The following GPR4 variants were observed in gnomAD, a reference collection of about 807,000 sequenced individuals.
GPR4 encodes the protein G protein-coupled receptor 4, also known as G-prodeshotein coupled receptor 4.
In GPR4, 11 loss-of-function variants were observed where a neutral mutation model predicts 17.8. The observed-to-expected ratio is 0.62, with a 90% CI of 0.39 to 1.02. The LOEUF is 1.02. Ranked by LOEUF, GPR4 falls within the 50% of genes least tolerant of loss-of-function variation. GPR4 has a pLI of 0.00. For missense variants in GPR4, 364 were observed against 495.4 expected, an observed-to-expected ratio of 0.73 and a Z score of 2.52; for synonymous variants, 219 against 222.8, an observed-to-expected ratio of 0.98 and a Z score of 0.15.
chr19:45,591,824 C>G lies in GPR4; in HGVS notation c.43G>C (p.Val15Leu). Reference protein sequence around the residue: ...TWEGCHVDSRVDHLFPPSLYI... With the variant: ...TWEGCHVDSRLDHLFPPSLYI... ...AGGGATGGCGGAAAGAGGTGGTCCA[C>G]GCGCGAGTCCACGTGGCAGCCCTCC... is the stretch of plus-strand genomic sequence containing the variant. The change falls in exon 2 of 2, where the codon GTG becomes CTG. Residue 15 changes from valine to leucine, a missense_variant. Transcript: ENST00000323040. This position sits in a 1 kb window ranked among gnomAD's most constrained non-coding sequence, Gnocchi z 7.6. 1 of 1,589,218 alleles carries G rather than the reference C, an allele frequency of 6.3e-7. No individual in the cohort carries two copies. Among genetic ancestry groups the G allele is most frequent in the Non-Finnish European group, 8.6e-7 (1 of 1,164,012 alleles).
chr19:45,590,671 T>A lies in GPR4; in HGVS notation c.*107A>T. ...CTCTTCCTAAGTTCTTGTATTCTTA[T>A]GAATATTAACACAGCCCTTTTTCCA... On this transcript the variant is annotated 3_prime_UTR_variant, in exon 2 of 2. Coordinates refer to ENST00000323040, the MANE Select transcript of GPR4 (RefSeq NM_005282.3). The A allele has an allele frequency of 7.4e-7, 1 of 1,350,338 alleles. No individual in the cohort carries two copies. The highest frequency in any genetic ancestry group is 1.0e-6 in the Non-Finnish European group (1 of 992,290). The allele number at this position is 1,350,338 out of a possible 1,614,324, so 83.6% of individuals were successfully genotyped here.
Position 45,591,578 on chromosome 19 carries a change from A to G in GPR4, c.289T>C (p.Phe97Leu). The change falls in exon 2 of 2, where the codon TTC becomes CTC. Residue 97 changes from phenylalanine to leucine, a missense_variant. Phe to Leu is a conservative substitution (Grantham distance 22, BLOSUM62 0). Around this residue, in one of 3 missense-constraint regions of GPR4, gnomAD observed 271 missense variants for 373.1 expected, o/e 0.73. Coordinates refer to ENST00000323040, the MANE Select transcript of GPR4 (RefSeq NM_005282.3). The surrounding 1 kb of genome is among the most constrained non-coding windows in gnomAD (Gnocchi z 7.6). ...ATGCTGATGTAGATATTGGTGTAGAAGATGAACCCAAAGAGCTTGCAGGAC... is the reference window on the plus strand; with the variant it reads ...ATGCTGATGTAGATATTGGTGTAGAGGATGAACCCAAAGAGCTTGCAGGAC... Reference protein sequence around the residue: ...PGSCKLFGFIFYTNIYISIAF... With the variant: ...PGSCKLFGFILYTNIYISIAF... 1.2e-6 allele frequency: 2 copies of G among 1,613,916 alleles called. No homozygotes were observed. Among genetic ancestry groups the G allele is most frequent in the East Asian group, 2.2e-5 (1 of 44,828 alleles).
At position 45,601,298 on chromosome 19, in the gene GPR4, G is replaced by A. The variant is rs115618448; in HGVS notation, c.-832+797C>T. ...GAGGAGGGGTTGTCCAGTTCCAGGG[G>A]GGAGAGTGAGGCGGAAGCAGGAAAG... On this transcript the variant is annotated intron_variant, in intron 1 of 1. Coordinates refer to ENST00000323040, the MANE Select transcript of GPR4 (RefSeq NM_005282.3). Among the ~76,000 whole-genome samples, 396 of 152,330 alleles carry A rather than the reference G, an allele frequency of 2.6e-3. 6 individuals carry two copies. The highest frequency in any genetic ancestry group is 9.0e-3 in the African/African-American group (372 of 41,560).
In GPR4 at chr19:45,591,267, C is replaced by CGACAGCAGCAT; in HGVS notation, c.589_599dup (p.Tyr201CysfsTer142). The stretch of plus-strand genomic sequence containing the variant: ...GCACGGCCCGCAGGATGCCCCGGTA[C>CGACAGCAGCAT]GACAGCAGCATGAGCGCCCACGGGA... On this transcript the variant is annotated frameshift_variant, in exon 2 of 2. Transcript: ENST00000323040. LOFTEE classifies it high-confidence loss of function. The surrounding 1 kb of genome is among the most constrained non-coding windows in gnomAD (Gnocchi z 7.6). The CGACAGCAGCAT allele has an allele frequency of 3.7e-6, 6 of 1,613,130 alleles. No individual in the cohort carries two copies. Among genetic ancestry groups the CGACAGCAGCAT allele is most frequent in the Non-Finnish European group, 5.1e-6 (6 of 1,179,940 alleles).
Position 45,592,030 on chromosome 19 carries a change from G to T in GPR4, c.-164C>A, listed in dbSNP as rs1250486281. Reference sequence around the variant, plus strand: ...GAGATGAGGTTGGGTAGGCTGGGCTGGGCTGGGAAGGGCAGAGCTTGAGAG... The same window carrying T: ...GAGATGAGGTTGGGTAGGCTGGGCTTGGCTGGGAAGGGCAGAGCTTGAGAG... On this transcript the variant is annotated 5_prime_UTR_variant, in exon 2 of 2. Coordinates refer to ENST00000323040, the MANE Select transcript of GPR4 (RefSeq NM_005282.3). 4.7e-6 allele frequency: 3 copies of T among 633,712 alleles called. No individual in the cohort carries two copies. The highest frequency in any genetic ancestry group is 7.9e-6 in the Non-Finnish European group (3 of 381,380). The allele number at this position is 633,712 out of a possible 1,614,324, so 39.3% of individuals were successfully genotyped here.
rs945031275 is a variant in GPR4, at chr19:45,590,816, C to A, written c.1051G>T (p.Asp351Tyr). ...GGCAGCATCTTCAGCTGCACCTGGT[C>A]CCCCTGGGAGGGCGGAGTGGCCGCC... Reference protein sequence around the residue: ...SWAATPPSQGDQVQLKMLPPA... With the variant: ...SWAATPPSQGYQVQLKMLPPA... The change falls in exon 2 of 2, where the codon GAC becomes TAC. Residue 351 changes from aspartate (D) to tyrosine (Y), a missense_variant. By Grantham distance (160) the Asp-to-Tyr change is radical (BLOSUM62 -3). This residue lies in a region of GPR4 where 92 missense variants were observed against 106.0 expected (regional missense o/e 0.87). Transcript: ENST00000323040. 10 of 1,593,006 alleles carry A rather than the reference C, an allele frequency of 6.3e-6. No homozygotes were observed. Among genetic ancestry groups the A allele is most frequent in the Non-Finnish European group, 7.7e-6 (9 of 1,168,566 alleles).
intron 1 of GPR4, among the ~76,000 whole-genome samples, chr19:45,594,421 CAA>C (rs11284570): frequency 0.021 from 1,582 of 75,708 alleles, 19 homozygotes; most frequent in African/African-American, 0.053. Flanking sequence ...GACTCCGTCT[CAA>C]AAAAAAAAAA....
chr19:45,594,065 T>A (rs10419584), intron 1 of GPR4, among the ~76,000 whole-genome samples: 2,520 of 32,890 alleles, frequency 0.077, 47 homozygotes, highest in Non-Finnish European at 0.1. Context: ...AAAAAAAAAA[T>A]ATATATATAT....
chr19:45,601,524 C>T (rs1970112013), intron 1 of GPR4, among the ~76,000 whole-genome samples: 1 of 152,110 alleles, frequency 6.6e-6, no homozygotes, highest in Non-Finnish European at 1.5e-5. Flanking sequence ...CCCCCTACCC[C>T]ACTCCCAAGC....
rs1366750026 is a variant in GPR4, at chr19:45,591,424, G to A, written c.443C>T (p.Ala148Val). 6.2e-7 allele frequency: 1 copy of A among 1,605,988 alleles called. No individual in the cohort carries two copies. The highest frequency in any genetic ancestry group is 8.5e-7 in the Non-Finnish European group (1 of 1,178,034). ...SSVVWATELGANSAPLFHDEL... is the reference protein window; with the variant it reads ...SSVVWATELGVNSAPLFHDEL... ...GTCATGGAACAGGGGCGCCGAGTTGGCGCCCAGCTCCGTGGCCCAGACCAC... is the reference window on the plus strand; with the variant it reads ...GTCATGGAACAGGGGCGCCGAGTTGACGCCCAGCTCCGTGGCCCAGACCAC... Residue 148 changes from alanine to valine, a missense_variant, in exon 2 of 2, where the codon GCC (alanine) becomes GTC (valine). Around this residue, in one of 3 missense-constraint regions of GPR4, gnomAD observed 271 missense variants for 373.1 expected, o/e 0.73. Transcript: ENST00000323040. This position sits in a 1 kb window ranked among gnomAD's most constrained non-coding sequence, Gnocchi z 7.6.
chr19:45,594,064 ATATATAT>A (rs1257569794), intron 1 of GPR4, among the ~76,000 whole-genome samples: 50 of 28,212 alleles, frequency 1.8e-3, no homozygotes, highest in East Asian at 0.011. Flanking sequence ...AAAAAAAAAA[ATATATAT>A]ATATATATAT....
chr19:45,591,393 G>A lies in GPR4; in HGVS notation c.474C>T (p.Leu158=), dbSNP rs772660606. The A allele has an allele frequency of 6.2e-7, 1 of 1,613,610 alleles. No homozygotes were observed. Among genetic ancestry groups the A allele is most frequent in the Middle Eastern group, 1.7e-4 (1 of 6,060 alleles). The change falls in exon 2 of 2, where the codon CTC becomes CTT. Residue 158 remains leucine (L), a synonymous_variant. Transcript: ENST00000323040. This position sits in a 1 kb window ranked among gnomAD's most constrained non-coding sequence, Gnocchi z 7.6. ...ANSAPLFHDE[L]FRDRYNHTFC... ...AGGTGTGGTTGTAGCGGTCTCGGAA[G>A]AGCTCGTCATGGAACAGGGGCGCCG...
At chr19:45,601,563 G>A (rs1304878055) in intron 1 of GPR4, among the ~76,000 whole-genome samples, 1 of 152,162 alleles carries the variant, frequency 6.6e-6, no homozygotes, top group Non-Finnish European at 1.5e-5. Context: ...AAAGTTCCGG[G>A]ATGCGGAGGA....
At chr19:45,594,063 A>AAAT (rs1376607021) in intron 1 of GPR4, among the ~76,000 whole-genome samples, 59 of 36,240 alleles carry the variant, frequency 1.6e-3, no homozygotes, top group Non-Finnish European at 2.5e-3. Context: ...AAAAAAAAAA[A>AAAT]ATATATATAT....
At chr19:45,597,868 G>C (rs560684061) in intron 1 of GPR4, among the ~76,000 whole-genome samples, 2 of 152,126 alleles carry the variant, frequency 1.3e-5, no homozygotes, top group South Asian at 4.1e-4. Context: ...GCTGAGTCGT[G>C]CTCAGTAAGT....
rs903495437 is a variant in GPR4, at chr19:45,590,110, A to G, written c.*668T>C. 2 of 152,168 alleles carry G rather than the reference A, an allele frequency of 1.3e-5. No individual in the cohort carries two copies. The allele number at this position is 152,168 out of a possible 1,614,324, so 9.4% of individuals were successfully genotyped here. A position where few individuals can be genotyped will look rare whatever the true frequency, so the allele number is the denominator to read the frequency against. ...TGGCCTGTATGACCAGGGGCTTTGC[A>G]AACATAATGACTCTATATCGGCTGC... On this transcript the variant is annotated 3_prime_UTR_variant, in exon 2 of 2. Coordinates refer to ENST00000323040, the MANE Select transcript of GPR4 (RefSeq NM_005282.3).
At chr19:45,599,211 C>G (rs565563772) in intron 1 of GPR4, among the ~76,000 whole-genome samples, 19 of 152,172 alleles carry the variant, frequency 1.2e-4, no homozygotes, top group African/African-American at 2.4e-4. Context: ...AGACCTGGCC[C>G]CCCCAACTTT....
Position 45,590,816 on chromosome 19 carries a change from C to T in GPR4, c.1051G>A (p.Asp351Asn), listed in dbSNP as rs945031275. ...SWAATPPSQG[D>N]QVQLKMLPPA... is the part of the protein sequence containing the mutation. Reference sequence around the variant, plus strand: ...GGCAGCATCTTCAGCTGCACCTGGTCCCCCTGGGAGGGCGGAGTGGCCGCC... The same window carrying T: ...GGCAGCATCTTCAGCTGCACCTGGTTCCCCTGGGAGGGCGGAGTGGCCGCC... Residue 351 changes from aspartate to asparagine, a missense_variant, in exon 2 of 2, where the codon GAC becomes AAC. Coordinates refer to ENST00000323040, the MANE Select transcript of GPR4 (RefSeq NM_005282.3). The T allele has an allele frequency of 1.8e-5, 28 of 1,592,888 alleles. No homozygotes were observed. The highest frequency in any genetic ancestry group is 2.2e-5 in the East Asian group (1 of 44,680).
chr19:45,597,372 A>G (rs1970068166), intron 1 of GPR4, among the ~76,000 whole-genome samples: 1 of 152,020 alleles, frequency 6.6e-6, no homozygotes, highest in African/African-American at 2.4e-5. Flanking sequence ...CTTCCTTCAG[A>G]TAGTCTGAGT....
Sources: gnomAD v4.1 joint callset for allele counts (sites outside exome capture counted in the v4.1 genomes callset) on GRCh38, gnomAD v4.1.1 for gene constraint, gnomAD v4.1.1 regional missense constraint, Gnocchi (gnomAD v3.1) non-coding constraint, MANE v1.5 for transcripts, NCBI Gene and HGNC (gene_info 2026-07-23, HGNC 2026-07-21) for gene names.